The following EDDM13 variants were observed in gnomAD, a reference collection of about 807,000 sequenced individuals.
The protein encoded by EDDM13 is epididymal protein 13.
A neutral mutation model predicts 17.8 loss-of-function variants in EDDM13; 24 were observed. The ratio of observed to expected loss-of-function variants is 1.35; its 90% CI spans 0.98 to 1.90. The LOEUF is 1.90. Ranked by LOEUF, EDDM13 falls within the 40% of genes most tolerant of loss-of-function variation. The pLI, the probability that EDDM13 is intolerant of heterozygous loss-of-function variation, is 0.00. For synonymous variants in EDDM13, 31 were observed against 37.5 expected (o/e 0.83, Z 0.63); for missense variants, 97 against 100.8 (o/e 0.96, Z 0.16).
chr19:56,275,463 G>T (rs930425817), intron 1 of EDDM13, among the ~76,000 whole-genome samples: 2 of 152,168 alleles, frequency 1.3e-5, no homozygotes, highest in African/African-American at 4.8e-5. Flanking sequence ...GGGTGCAGTG[G>T]CTCAAGCCTT....
At chr19:56,300,866 AC>A (rs2040179289) in intron 12 of EDDM13, among the ~76,000 whole-genome samples, 1 of 152,244 alleles carries the variant, frequency 6.6e-6, no homozygotes, top group Admixed American at 6.5e-5. Context: ...GAAAAATGTT[AC>A]ACAGGCGAAA....
intron 2 of EDDM13, among the ~76,000 whole-genome samples, chr19:56,279,124 T>G (rs1244071244): frequency 6.6e-6 from 1 of 152,158 alleles, no homozygotes; most frequent in Non-Finnish European, 1.5e-5. Context: ...AATAAACGTC[T>G]TACTGCTATA....
chr19:56,297,806 T>C (rs2039976069), intron 12 of EDDM13: 1 of 152,228 alleles, frequency 6.6e-6, no homozygotes, highest in African/African-American at 2.4e-5. Flanking sequence ...GAGTCCTCTC[T>C]TCCCGACATG....
At chr19:56,292,564 A>G (rs1600207275) in intron 9 of EDDM13, among the ~76,000 whole-genome samples, 1 of 151,466 alleles carries the variant, frequency 6.6e-6, no homozygotes, top group Non-Finnish European at 1.5e-5. Context: ...CTGGGATCAC[A>G]GGCACGAGCC....
chr19:56,277,358 A>G (rs948625190), intron 2 of EDDM13, among the ~76,000 whole-genome samples: 4 of 152,242 alleles, frequency 2.6e-5, no homozygotes, highest in Admixed American at 2.6e-4. Flanking sequence ...ACCCATAAAA[A>G]GAAACAAAGT....
chr19:56,300,923 G>C (rs1476616857), intron 12 of EDDM13, among the ~76,000 whole-genome samples: 1 of 152,164 alleles, frequency 6.6e-6, no homozygotes, highest in African/African-American at 2.4e-5. Context: ...AAAGCGACAC[G>C]GTCGGATCTG....
chr19:56,303,133 G>C (rs960060675), intron 13 of EDDM13: 15 of 372,982 alleles, frequency 4.0e-5, no homozygotes, highest in African/African-American at 2.9e-4. Context: ...AAGCATTCCA[G>C]AGAAACACCA....
chr19:56,276,293 A>C (rs2038246282), intron 2 of EDDM13, among the ~76,000 whole-genome samples, 184 bp downstream of exon 2: 1 of 152,186 alleles, frequency 6.6e-6, no homozygotes, highest in African/African-American at 2.4e-5. Flanking sequence ...AGTGATGCTC[A>C]CAACTAAAAG....
chr19:56,302,584 T>TCTTCC (rs1568726650), intron 13 of EDDM13, among the ~76,000 whole-genome samples: 6 of 37,202 alleles, frequency 1.6e-4, no homozygotes, highest in African/African-American at 1.5e-3. Flanking sequence ...TTCCTCCCCC[T>TCTTCC]TTTCTTCCTC....
intron 10 of EDDM13, 44 bp from the exon 11 acceptor site, chr19:56,296,292 T>C (rs78580471): frequency 6.6e-6 from 1 of 152,288 alleles, no homozygotes. Context: ...GTGTTTATCA[T>C]GCTGTCCCTT....
intron 9 of EDDM13, among the ~76,000 whole-genome samples, chr19:56,291,324 T>C (rs1376754199): frequency 6.6e-6 from 1 of 152,108 alleles, no homozygotes; most frequent in Non-Finnish European, 1.5e-5. Flanking sequence ...GGAAGATGAA[T>C]CCCCACGGAA....
chr19:56,290,002 A>G (rs1377027717), intron 8 of EDDM13, among the ~76,000 whole-genome samples: 1 of 152,220 alleles, frequency 6.6e-6, no homozygotes, highest in African/African-American at 2.4e-5. Flanking sequence ...ACCTGCCTCT[A>G]TTATATAACT....
intron 13 of EDDM13, among the ~76,000 whole-genome samples, chr19:56,302,580 C>T (rs868395022): frequency 1.2e-4 from 9 of 77,780 alleles, no homozygotes; most frequent in South Asian, 6.4e-4. Flanking sequence ...TTTCTTCCTC[C>T]CCCTTTTCTT....
chr19:56,291,626 A>G (rs73937227), intron 9 of EDDM13, among the ~76,000 whole-genome samples: 1,569 of 152,072 alleles, frequency 0.01, 27 homozygotes, highest in African/African-American at 0.036. Flanking sequence ...TCTCAACAGC[A>G]CTGAAACCTA....
intron 12 of EDDM13, among the ~76,000 whole-genome samples, chr19:56,300,597 T>G (rs948148666): frequency 1.3e-5 from 2 of 152,224 alleles, no homozygotes; most frequent in African/African-American, 2.4e-5. Context: ...TGAAAAAGAT[T>G]AGTGTAAACG....
At chr19:56,291,453 C>G (rs1450347197) in intron 9 of EDDM13, among the ~76,000 whole-genome samples, 1 of 152,216 alleles carries the variant, frequency 6.6e-6, no homozygotes, top group Non-Finnish European at 1.5e-5. Context: ...ATCTGGAAGA[C>G]ACTTTATTTC....
chr19:56,304,894 C>A, intron 14 of EDDM13, 64 bp downstream of exon 14: 1 of 645,406 alleles, frequency 1.5e-6, no homozygotes, highest in Non-Finnish European at 1.9e-6. Flanking sequence ...AGGTTCATCC[C>A]AACTGCCTGG....
At chr19:56,304,460 C>T (rs1349613457) in intron 13 of EDDM13, among the ~76,000 whole-genome samples, 1 of 152,206 alleles carries the variant, frequency 6.6e-6, no homozygotes, top group African/African-American at 2.4e-5. Context: ...GGCCACTCAA[C>T]CTGCCATACG....
chr19:56,297,675 G>A (rs1349243395), intron 12 of EDDM13, 144 bp downstream of exon 12: 1 of 270,566 alleles, frequency 3.7e-6, no homozygotes, highest in East Asian at 1.8e-4. Context: ...CCTTCCTGAA[G>A]GGCATCCAAA....
Sources: gnomAD v4.1 joint callset for allele counts (sites outside exome capture counted in the v4.1 genomes callset) on GRCh38, gnomAD v4.1.1 for gene constraint, MANE v1.5 for transcripts, NCBI Gene and HGNC (gene_info 2026-07-23, HGNC 2026-07-21) for gene names.